The following ZNF346 variants were observed in gnomAD, a reference collection of about 807,000 sequenced individuals.
ZNF346 encodes zinc finger protein 346.
ZNF346 carries 23 observed loss-of-function variants against 33.7 expected under a neutral mutation model. The ratio of observed to expected loss-of-function variants is 0.68; its 90% CI spans 0.49 to 0.97. ZNF346 has a LOEUF of 0.97. ZNF346 is among the 50% of genes least tolerant of loss of function. The pLI is 0.00. For missense variants in ZNF346, 340 were observed against 371.1 expected (o/e 0.92, Z 0.69); for synonymous variants, 134 against 142.4 (o/e 0.94, Z 0.42).
At chr5:177,069,317 C>T (rs188136280), downstream of ZNF346, among the ~76,000 whole-genome samples, 920 of 151,798 alleles carry the variant, frequency 6.1e-3, 5 homozygotes, top group Middle Eastern at 0.077. Flanking sequence ...ATTAGCTGGT[C>T]GTGGTGGTGG....
At position 177,026,409 on chromosome 5, in the gene ZNF346, G is replaced by GAT. The variant is rs200770406; in HGVS notation, c.175+3497_175+3498insTA. On this transcript the variant is annotated intron_variant, in intron 1 of 6. Coordinates refer to ENST00000358149, the MANE Select transcript of ZNF346 (RefSeq NM_012279.4). Reference sequence around the variant, plus strand: ...GAATCCCACTCTATCGCCCAGGCTAGAGTGTGGTGGCACGATCTCAGCTCA... The same window carrying GAT: ...GAATCCCACTCTATCGCCCAGGCTAGATAGTGTGGTGGCACGATCTCAGCTCA... Among the ~76,000 whole-genome samples the GAT allele has an allele frequency of 5.3e-3, 746 of 140,790 alleles. 8 individuals are homozygous for GAT. Among genetic ancestry groups the GAT allele is most frequent in the African/African-American group, 0.017 (609 of 36,704 alleles). 92.4% of individuals were successfully genotyped at this position (140,790 alleles called of 152,430 possible).
At chr5:177,036,690 A>G (rs1207807028) in intron 1 of ZNF346, among the ~76,000 whole-genome samples, 3 of 152,180 alleles carry the variant, frequency 2.0e-5, no homozygotes, top group Non-Finnish European at 4.4e-5. Flanking sequence ...CTTCCTGCTT[A>G]CTGCCTTGGA....
chr5:177,022,869 T>C lies in ZNF346; in HGVS notation c.131T>C (p.Leu44Pro). The C allele has an allele frequency of 1.3e-6, 2 of 1,522,476 alleles. No homozygotes were observed. The highest frequency in any genetic ancestry group is 1.8e-6 in the Non-Finnish European group (2 of 1,133,852). 94.3% of individuals were successfully genotyped at this position (1,522,476 alleles called of 1,614,324 possible). A position where few individuals can be genotyped will look rare whatever the true frequency, so the allele number is the denominator to read the frequency against. The change falls in exon 1 of 7, where the codon CTG becomes CCG. Residue 44 changes from leucine (L) to proline (P), a missense_variant. Transcript: ENST00000358149. Reference sequence around the variant, plus strand: ...TTTGACCGCGAGAGGGCGCGCCGCCTGTGGGAAGCCGTGTCCGGTGCCCAG... The same window carrying C: ...TTTGACCGCGAGAGGGCGCGCCGCCCGTGGGAAGCCGTGTCCGGTGCCCAG... ...VRFDRERARR[L>P]WEAVSGAQPV...
intron 2 of ZNF346, among the ~76,000 whole-genome samples, chr5:177,041,563 A>T (rs1486607919): frequency 2.0e-5 from 3 of 152,212 alleles, no homozygotes; most frequent in Non-Finnish European, 4.4e-5. Flanking sequence ...CCTCATCCAT[A>T]AAATAGAAAT....
At chr5:177,034,409 A>G (rs1180891238) in intron 1 of ZNF346, among the ~76,000 whole-genome samples, 1 of 151,770 alleles carries the variant, frequency 6.6e-6, no homozygotes, top group Non-Finnish European at 1.5e-5. Context: ...GGTTTTTTGT[A>G]AAGACAGGGT....
chr5:177,030,797 A>G (rs1324316237), intron 1 of ZNF346, among the ~76,000 whole-genome samples: 1 of 152,090 alleles, frequency 6.6e-6, no homozygotes, highest in Admixed American at 6.6e-5. Flanking sequence ...ATCCCTGGCA[A>G]CGACTTATCT....
chr5:177,057,117 C>T (rs541838225), intron 5 of ZNF346, among the ~76,000 whole-genome samples: 1 of 151,798 alleles, frequency 6.6e-6, no homozygotes, highest in East Asian at 2.0e-4. Context: ...TTGAGACCGG[C>T]CTGGCCAAAC....
chr5:177,062,663 T>C (rs1782689804), intron 6 of ZNF346, among the ~76,000 whole-genome samples: 1 of 152,068 alleles, frequency 6.6e-6, no homozygotes, highest in Non-Finnish European at 1.5e-5. Flanking sequence ...TAATCACAGA[T>C]TGTGATAAGG....
At chr5:177,030,901 G>C (rs1041695997) in intron 1 of ZNF346, among the ~76,000 whole-genome samples, 1 of 146,010 alleles carries the variant, frequency 6.8e-6, no homozygotes, top group African/African-American at 2.5e-5. Context: ...CTTTCGCTTA[G>C]TGTAATTTTT....
chr5:177,078,857 C>T (rs1041939741), intron 8 of ZNF346, among the ~76,000 whole-genome samples: 3 of 151,936 alleles, frequency 2.0e-5, no homozygotes, highest in South Asian at 4.2e-4. Context: ...TGCAGTGAGC[C>T]GAGATCATGC....
At chr5:177,054,147 A>C (rs1781357320) in intron 5 of ZNF346, among the ~76,000 whole-genome samples, 1 of 149,024 alleles carries the variant, frequency 6.7e-6, no homozygotes, top group Non-Finnish European at 1.5e-5. Flanking sequence ...ATTATGGCTC[A>C]CTGCAGTCGT....
chr5:177,049,847 T>C (rs1780614423), intron 4 of ZNF346, among the ~76,000 whole-genome samples: 1 of 152,180 alleles, frequency 6.6e-6, no homozygotes, highest in Non-Finnish European at 1.5e-5. Context: ...CTAATTTTTT[T>C]TTTTTTGAGG....
chr5:177,031,438 CTTAA>C (rs906669151), intron 1 of ZNF346, among the ~76,000 whole-genome samples: 5 of 152,132 alleles, frequency 3.3e-5, no homozygotes, highest in Non-Finnish European at 1.5e-5. Flanking sequence ...GCCTTCTGGC[CTTAA>C]TTGTTTTCAA....
chr5:177,054,462 C>T (rs1781398760), intron 5 of ZNF346, among the ~76,000 whole-genome samples: 1 of 151,878 alleles, frequency 6.6e-6, no homozygotes, highest in African/African-American at 2.4e-5. Flanking sequence ...GCAGCAGTGC[C>T]ATCTCAGCTC....
chr5:177,067,146 A>T lies in ZNF346; in HGVS notation c.*2547A>T, dbSNP rs995323508. Among the ~76,000 whole-genome samples, 2 of 152,180 alleles carry T rather than the reference A, an allele frequency of 1.3e-5. No homozygotes were observed. The highest frequency in any genetic ancestry group is 4.8e-5 in the African/African-American group (2 of 41,436). ...GTAGTCCTGGCTACCTGGAAGGGTG[A>T]GGCAGGAGGATCGCTTTAACCATGA... On this transcript the variant is annotated 3_prime_UTR_variant, in exon 7 of 7. Transcript: ENST00000358149.
At chr5:177,023,418 T>C (rs1445936380) in intron 1 of ZNF346, among the ~76,000 whole-genome samples, 1 of 152,164 alleles carries the variant, frequency 6.6e-6, no homozygotes, top group Non-Finnish European at 1.5e-5. Flanking sequence ...TTACCCGTTT[T>C]TAGCTCTCTG....
At chr5:177,058,941 G>T (rs1209332044) in intron 5 of ZNF346, among the ~76,000 whole-genome samples, 1 of 152,176 alleles carries the variant, frequency 6.6e-6, no homozygotes, top group East Asian at 1.9e-4. Context: ...CACCAGGTTG[G>T]CTAGGCTGGT....
intron 1 of ZNF346, among the ~76,000 whole-genome samples, chr5:177,027,586 CAAAAAAA>C (rs1282201135): frequency 4.6e-5 from 3 of 64,646 alleles, no homozygotes; most frequent in Admixed American, 3.6e-4. Context: ...GACTTTGTCT[CAAAAAAA>C]AAAAAAAAAA....
intron 8 of ZNF346, among the ~76,000 whole-genome samples, chr5:177,074,014 G>T (rs1009001887): frequency 6.6e-6 from 1 of 152,154 alleles, no homozygotes; most frequent in Non-Finnish European, 1.5e-5. Flanking sequence ...ACCAGGTAGA[G>T]AGAGAAGCCA....
Sources: allele counts gnomAD v4.1 joint callset (sites outside exome capture counted in the v4.1 genomes callset), GRCh38; gene constraint gnomAD v4.1.1; transcripts MANE v1.5; gene names NCBI Gene and HGNC (gene_info 2026-07-23, HGNC 2026-07-21).